The following SNX30 variants were observed in gnomAD, a reference collection of about 807,000 sequenced individuals.
The protein encoded by SNX30 is sorting nexin family member 30.
In SNX30, 24 loss-of-function variants were observed where a neutral mutation model predicts 46.4. The ratio of observed to expected loss-of-function variants is 0.52; its 90% CI spans 0.37 to 0.73. SNX30 has a LOEUF of 0.73. Ranked by LOEUF, SNX30 falls within the 30% of genes least tolerant of loss-of-function variation. SNX30 has a pLI of 0.00. For missense variants in SNX30, 533 were observed against 555.7 expected, an observed-to-expected ratio of 0.96 and a Z score of 0.41; for synonymous variants, 189 against 211.5, an observed-to-expected ratio of 0.89 and a Z score of 0.92.
chr9:112,857,288 A>G (rs1841148982), intron 7 of SNX30, among the ~76,000 whole-genome samples: 1 of 152,224 alleles, frequency 6.6e-6, no homozygotes, highest in Non-Finnish European at 1.5e-5. Context: ...GCATTCATTC[A>G]GAGAGCCACT....
In SNX30 at chr9:112,865,361, C is replaced by T. The variant is rs944828185; in HGVS notation, c.1254+962C>T. Among the ~76,000 whole-genome samples the T allele has an allele frequency of 7.9e-5, 12 of 151,984 alleles. No individual in the cohort carries two copies. In the East Asian group the frequency reaches 9.7e-4, roughly 12 times the overall value. On this transcript the variant is annotated intron_variant, in intron 8 of 8. Transcript: ENST00000374232. ...GTGCGAGGCCAGGTGCAGTGGCTCA[C>T]GCCCGTAATCCCAGCACTTGAAGAG...
intron 6 of SNX30, 35 bp from the exon 7 acceptor site, chr9:112,850,824 C>A: frequency 6.5e-7 from 1 of 1,539,194 alleles, no homozygotes; most frequent in Non-Finnish European, 9.0e-7. Context: ...TTTGTGGACT[C>A]AGTGTTACAT....
chr9:112,763,422 A>G (rs1318292091), intron 1 of SNX30, among the ~76,000 whole-genome samples: 2 of 113,150 alleles, frequency 1.8e-5, no homozygotes, highest in Non-Finnish European at 3.3e-5. Context: ...GCGTCTCACT[A>G]TGTTGCCCAG....
chr9:112,817,616 G>A, intron 2 of SNX30, 89 bp from the exon 3 acceptor site: 1 of 750,762 alleles, frequency 1.3e-6, no homozygotes, highest in Non-Finnish European at 2.3e-6. Flanking sequence ...ATCTTGCCTA[G>A]TTTGGTTATT....
In SNX30 at chr9:112,838,616, C is replaced by T; in HGVS notation, c.933C>T (p.Ala311=). ...VSACIGNCST[A]LEELTDDMTE... ...CTTGCATTGGGAACTGCTCTACAGC[C>T]TTAGAAGAGCTGACAGATGACATGA... The change falls in exon 6 of 9, where the codon GCC becomes GCT. Residue 311 remains alanine, a synonymous_variant. Transcript: ENST00000374232. The T allele has an allele frequency of 6.2e-7, 1 of 1,614,180 alleles. No individual in the cohort carries two copies.
intron 6 of SNX30, among the ~76,000 whole-genome samples, chr9:112,842,235 A>G (rs1840871891): frequency 1.3e-5 from 2 of 152,178 alleles, no homozygotes; most frequent in East Asian, 3.9e-4. Flanking sequence ...GAGCCCCCAC[A>G]TCAGGCCTGT....
At chr9:112,815,315 A>G (rs149931062) in intron 2 of SNX30, among the ~76,000 whole-genome samples, 2 of 152,272 alleles carry the variant, frequency 1.3e-5, no homozygotes, top group Non-Finnish European at 2.9e-5. Flanking sequence ...AATTTATGAA[A>G]TGGATCTGAA....
At chr9:112,820,720 A>G (rs1840478687) in intron 3 of SNX30, among the ~76,000 whole-genome samples, 2 of 152,200 alleles carry the variant, frequency 1.3e-5, no homozygotes. Flanking sequence ...GCCCCTGGCA[A>G]CCACTCATGT....
rs185185986 is a variant in SNX30 at position 112,873,257 on chromosome 9, C to T, written c.*4414C>T. The T allele has an allele frequency of 8.5e-5, 13 of 152,124 alleles. No individual in the cohort carries two copies. The East Asian group carries it at 2.3e-3, about 27-fold the overall frequency. The allele number at this position is 152,124 out of a possible 1,614,324, so 9.4% of individuals were successfully genotyped here. Reference sequence around the variant, plus strand: ...TAAGTGCTTTAAAAAAATAACAAACCAATAAGATATTTGTCTCCTATATAA... The same window carrying T: ...TAAGTGCTTTAAAAAAATAACAAACTAATAAGATATTTGTCTCCTATATAA... On this transcript the variant is annotated 3_prime_UTR_variant, in exon 9 of 9. Coordinates refer to ENST00000374232, the MANE Select transcript of SNX30 (RefSeq NM_001012994.2).
chr9:112,807,245 T>C (rs1326497183), intron 2 of SNX30, among the ~76,000 whole-genome samples: 4 of 151,982 alleles, frequency 2.6e-5, no homozygotes, highest in Non-Finnish European at 5.9e-5. Flanking sequence ...TTTGTATTTT[T>C]AGTAGAGATG....
In SNX30 at chr9:112,817,401, C is replaced by CTTTTTTTTTTTTTTTTTTTTTTTTTTTTT. The variant is rs56856142; in HGVS notation, c.349-302_349-274dup. Reference sequence around the variant, plus strand: ...CGGTAGGGAAAAAAAAAAAAACTGGCTTTTTTTTTTTTTTTTTTTTTTTTT... The same window carrying CTTTTTTTTTTTTTTTTTTTTTTTTTTTTT: ...CGGTAGGGAAAAAAAAAAAAACTGGCTTTTTTTTTTTTTTTTTTTTTTTTTTTTTTTTTTTTTTTTTTTTTTTTTTTTTT... On this transcript the variant is annotated intron_variant, in intron 2 of 8. Transcript: ENST00000374232. Among the ~76,000 whole-genome samples the CTTTTTTTTTTTTTTTTTTTTTTTTTTTTT allele has an allele frequency of 2.8e-4, 13 of 46,836 alleles. 2 individuals are homozygous for CTTTTTTTTTTTTTTTTTTTTTTTTTTTTT. The highest frequency in any genetic ancestry group is 5.8e-4 in the African/African-American group (6 of 10,268). 30.7% of individuals were successfully genotyped at this position (46,836 alleles called of 152,430 possible).
chr9:112,780,783 T>C (rs544739359), intron 1 of SNX30, among the ~76,000 whole-genome samples: 4 of 152,168 alleles, frequency 2.6e-5, no homozygotes, highest in Non-Finnish European at 5.9e-5. Flanking sequence ...GGTATAAATA[T>C]TACCATCTGT....
intron 1 of SNX30, 138 bp from the exon 2 acceptor site, chr9:112,804,638 A>G (rs928382375): frequency 9.2e-6 from 6 of 653,018 alleles, no homozygotes; most frequent in Non-Finnish European, 1.6e-5. Flanking sequence ...AGAAACACTG[A>G]GTAGGGAGAG....
chr9:112,806,173 G>A (rs1213027111), intron 2 of SNX30, among the ~76,000 whole-genome samples: 2 of 152,068 alleles, frequency 1.3e-5, no homozygotes, highest in East Asian at 1.9e-4. Context: ...TGTTCTCTTG[G>A]TCCCCAGTTG....
At chr9:112,811,572 T>G (rs1418408) in intron 2 of SNX30, among the ~76,000 whole-genome samples, 122,951 of 152,068 alleles carry the variant, frequency 0.81, 49,692 homozygotes, top group Middle Eastern at 0.86. Context: ...AAAAAAAATT[T>G]CCAGGGATGT....
chr9:112,810,815 C>T (rs952772069), intron 2 of SNX30, among the ~76,000 whole-genome samples: 9 of 151,958 alleles, frequency 5.9e-5, no homozygotes, highest in African/African-American at 1.9e-4. Flanking sequence ...GACAGCTGTG[C>T]GGGAGAGATA....
rs1246988146 is a variant in SNX30, at chr9:112,798,129, T to C, written c.157-6647T>C. ...TTTGTTTTTTTTTTTTTCTTTTTTT[T>C]TTTTTTTTTTTATTATACTCTAAGT... On this transcript the variant is annotated intron_variant, in intron 1 of 8. Transcript: ENST00000374232. Among the ~76,000 whole-genome samples the C allele has an allele frequency of 3.7e-3, 211 of 57,686 alleles. 3 individuals are homozygous for C. Among genetic ancestry groups the C allele is most frequent in the African/African-American group, 9.4e-3 (187 of 19,996 alleles). 37.8% of individuals were successfully genotyped at this position (57,686 alleles called of 152,430 possible).
chr9:112,771,689 C>CA (rs538611837), intron 1 of SNX30, among the ~76,000 whole-genome samples: 1 of 151,850 alleles, frequency 6.6e-6, no homozygotes. Context: ...GATCATGCTT[C>CA]AAAAAAAGGG....
intron 1 of SNX30, among the ~76,000 whole-genome samples, chr9:112,760,629 A>G (rs980289294): frequency 6.6e-6 from 1 of 152,216 alleles, no homozygotes; most frequent in African/African-American, 2.4e-5. Context: ...ATTTGAGTTC[A>G]GGATCCGACT....
Sources: gnomAD v4.1 joint callset for allele counts (sites outside exome capture counted in the v4.1 genomes callset) on GRCh38, gnomAD v4.1.1 for gene constraint, MANE v1.5 for transcripts, NCBI Gene and HGNC (gene_info 2026-07-23, HGNC 2026-07-21) for gene names.